Variants in ARHGEF4 observed in about 807,000 individuals in gnomAD.
ARHGEF4 encodes Rho guanine nucleotide exchange factor 4.
ARHGEF4 carries 119 observed loss-of-function variants against 162.0 expected under a neutral mutation model. The observed-to-expected ratio is 0.73, with a 90% CI of 0.63 to 0.86. The LOEUF is 0.86. ARHGEF4 is among the 40% of genes least tolerant of loss of function. ARHGEF4 has a pLI of 0.00. For missense variants in ARHGEF4, 2,488 were observed against 2,456.0 expected (o/e 1.01, Z -0.28); for synonymous variants, 1,014 against 979.9 (o/e 1.03, Z -0.65).
At chr2:130,837,708 C>T (rs1266207410) in intron 1 of ARHGEF4, 1 of 419,800 alleles carries the variant, frequency 2.4e-6, no homozygotes, top group Non-Finnish European at 4.8e-6. Context: ...CCAGGTGAGC[C>T]AGCGGGAGGG....
chr2:130,991,539 G>GCAGC (rs1040222029), intron 4 of ARHGEF4, among the ~76,000 whole-genome samples: 17 of 152,220 alleles, frequency 1.1e-4, no homozygotes, highest in African/African-American at 4.1e-4. Context: ...GGCACTCGGA[G>GCAGC]CAGCCGGCCG....
At chr2:130,979,711 C>T (rs1040427448) in intron 4 of ARHGEF4, among the ~76,000 whole-genome samples, 1 of 124,736 alleles carries the variant, frequency 8.0e-6, no homozygotes, top group Non-Finnish European at 1.6e-5. Context: ...ATTCCAGCCT[C>T]GGTGACAAAG....
rs372308937 is a variant in ARHGEF4, at chr2:131,041,316, G to A, written c.4749G>A (p.Lys1583=). ...TCTCCCGGCTCACCAAGCTCAGCAA[G>A]TACGTGTACTTCTTCGAGGCCTGCC... is the stretch of plus-strand genomic sequence containing the variant. ...VELSRLTKLS[K]YVYFFEACRL... is the part of the protein sequence containing the mutation. The change falls in exon 9 of 14, where the codon AAG becomes AAA. Residue 1583 remains lysine, a synonymous_variant. Transcript: ENST00000409359. 9 of 1,613,910 alleles carry A rather than the reference G, an allele frequency of 5.6e-6. No individual in the cohort carries two copies. Among genetic ancestry groups the A allele is most frequent in the Non-Finnish European group, 7.6e-6 (9 of 1,180,034 alleles).
chr2:131,006,891 C>T (rs1426213064), intron 4 of ARHGEF4, among the ~76,000 whole-genome samples: 2 of 152,168 alleles, frequency 1.3e-5, no homozygotes, highest in East Asian at 1.9e-4. Context: ...AAAAGTAGGC[C>T]AGGTGGTCCT....
chr2:130,992,474 G>A (rs1399166728), intron 4 of ARHGEF4, among the ~76,000 whole-genome samples: 2 of 151,454 alleles, frequency 1.3e-5, no homozygotes, highest in African/African-American at 4.9e-5. Context: ...CAGATGCGCT[G>A]CCTTAAGAGC....
intron 4 of ARHGEF4, among the ~76,000 whole-genome samples, chr2:131,013,378 C>G (rs1573611083): frequency 6.6e-6 from 1 of 152,114 alleles, no homozygotes; most frequent in African/African-American, 2.4e-5. Flanking sequence ...CACTGGATAT[C>G]GAGACCAGCC....
intron 1 of ARHGEF4, among the ~76,000 whole-genome samples, chr2:130,851,808 A>G (rs1423402131): frequency 1.3e-5 from 2 of 152,242 alleles, no homozygotes; most frequent in African/African-American, 2.4e-5. Context: ...CTGCTCTGCC[A>G]GTCTCTCCGG....
chr2:130,852,107 C>T (rs1156283001), intron 1 of ARHGEF4, among the ~76,000 whole-genome samples: 1 of 152,236 alleles, frequency 6.6e-6, no homozygotes, highest in African/African-American at 2.4e-5. Context: ...TTTATTCTTT[C>T]AAGAGTTGGC....
At chr2:130,988,282 C>T (rs540526954) in intron 4 of ARHGEF4, among the ~76,000 whole-genome samples, 37 of 152,312 alleles carry the variant, frequency 2.4e-4, no homozygotes, top group African/African-American at 8.9e-4. Context: ...CTCTGCCAGC[C>T]TTGGAAGACC....
intron 1 of ARHGEF4, among the ~76,000 whole-genome samples, chr2:130,851,009 A>G (rs1681372299): frequency 6.6e-6 from 1 of 152,226 alleles, no homozygotes. Flanking sequence ...GCTCCTTGGA[A>G]TGGGTTCATT....
intron 1 of ARHGEF4, among the ~76,000 whole-genome samples, chr2:130,864,662 T>G (rs1682139770): frequency 6.6e-6 from 1 of 152,068 alleles, no homozygotes; most frequent in South Asian, 2.1e-4. Context: ...AGGCGGAAGT[T>G]GTAGTGAGCC....
At chr2:131,037,581 G>A (rs919471266) in intron 5 of ARHGEF4, among the ~76,000 whole-genome samples, 1 of 151,814 alleles carries the variant, frequency 6.6e-6, no homozygotes, top group Non-Finnish European at 1.5e-5. Context: ...TAGCAGGGAG[G>A]GTCGTGGACC....
intron 1 of ARHGEF4, among the ~76,000 whole-genome samples, chr2:130,851,769 C>T (rs1177307787): frequency 6.6e-6 from 1 of 152,344 alleles, no homozygotes; most frequent in East Asian, 1.9e-4. Flanking sequence ...TCCATGGACA[C>T]AGCCAGCAGG....
intron 4 of ARHGEF4, among the ~76,000 whole-genome samples, chr2:130,955,000 A>C (rs1457934052): frequency 2.7e-5 from 4 of 149,830 alleles, no homozygotes; most frequent in South Asian, 4.2e-4. Context: ...TCTTTGGCTT[A>C]TGTAATTTCT....
chr2:131,041,395 G>C lies in ARHGEF4; in HGVS notation c.4828G>C (p.Val1610Leu). 2 of 1,613,388 alleles carry C rather than the reference G, an allele frequency of 1.2e-6. No homozygotes were observed. Among genetic ancestry groups the C allele is most frequent in the Non-Finnish European group, 1.7e-6 (2 of 1,180,030 alleles). The change falls in exon 9 of 14, where the codon GTG (valine) becomes CTG (leucine). Residue 1610 changes from valine (V) to leucine (L), a missense_variant. Around this residue, in one of 6 missense-constraint regions of ARHGEF4, gnomAD observed 415 missense variants for 512.4 expected, o/e 0.81. Coordinates refer to ENST00000409359, the MANE Select transcript of ARHGEF4 (RefSeq NM_001367493.1). ...CCTGGATGGCTTCCTGCTGACTCCGGTGCAGAAGATCTGCAAGTACCCTCT... is the reference window on the plus strand; with the variant it reads ...CCTGGATGGCTTCCTGCTGACTCCGCTGCAGAAGATCTGCAAGTACCCTCT... ...ISLDGFLLTP[V>L]QKICKYPLQL...
intron 4 of ARHGEF4, among the ~76,000 whole-genome samples, chr2:130,956,320 A>G (rs2105175675): frequency 6.6e-6 from 1 of 152,230 alleles, no homozygotes; most frequent in South Asian, 2.1e-4. Flanking sequence ...TCAGGAAACA[A>G]CAGGTGCTGG....
At chr2:131,020,857 T>A (rs1303122402) in intron 4 of ARHGEF4, among the ~76,000 whole-genome samples, 1 of 152,164 alleles carries the variant, frequency 6.6e-6, no homozygotes, top group East Asian at 1.9e-4. Context: ...GCACCTGTTG[T>A]TTCCTGACTT....
At chr2:130,840,522 G>T (rs1334834827) in intron 1 of ARHGEF4, among the ~76,000 whole-genome samples, 1 of 152,182 alleles carries the variant, frequency 6.6e-6, no homozygotes, top group African/African-American at 2.4e-5. Flanking sequence ...GGGAGTTGTA[G>T]ATCCATCCAG....
At chr2:131,023,111 A>G (rs1319472259) in intron 4 of ARHGEF4, among the ~76,000 whole-genome samples, 1 of 148,914 alleles carries the variant, frequency 6.7e-6, no homozygotes, top group African/African-American at 2.5e-5. Flanking sequence ...TTCAAAGTTC[A>G]ACATTAAAAC....
Sources: gnomAD v4.1 joint callset for allele counts (sites outside exome capture counted in the v4.1 genomes callset) on GRCh38, gnomAD v4.1.1 for gene constraint, gnomAD v4.1.1 regional missense constraint, MANE v1.5 for transcripts, NCBI Gene and HGNC (gene_info 2026-07-23, HGNC 2026-07-21) for gene names.